ABCA1: variants seen among roughly 807,000 people sequenced by gnomAD.
ABCA1 encodes the protein ATP binding cassette subfamily A member 1.
Under a neutral mutation model 262.5 loss-of-function variants are expected in ABCA1, and 133 were observed. That is an observed-to-expected ratio of 0.51 (90% CI 0.44 to 0.59). ABCA1 has a LOEUF of 0.59. Ranked by LOEUF, ABCA1 falls within the 20% of genes least tolerant of loss-of-function variation. ABCA1 has a pLI of 0.00. For missense variants in ABCA1, 2,452 were observed against 2,777.5 expected (o/e 0.88, Z 2.63); for synonymous variants, 1,022 against 1,043.5 (o/e 0.98, Z 0.40).
intron 1 of ABCA1, among the ~76,000 whole-genome samples, chr9:104,916,492 C>G (rs1841849601): frequency 6.6e-6 from 1 of 152,190 alleles, no homozygotes; most frequent in Non-Finnish European, 1.5e-5. Context: ...GAACAGACAT[C>G]TACAGACACA....
chr9:104,923,177 T>C (rs932988592), intron 1 of ABCA1, among the ~76,000 whole-genome samples: 8 of 152,224 alleles, frequency 5.3e-5, no homozygotes, highest in African/African-American at 1.9e-4. Context: ...AATCATATTG[T>C]ATTATAACAA....
rs34450679 is a variant in ABCA1, at chr9:104,924,611, GA to G, written c.-93+3323del. Among the ~76,000 whole-genome samples the G allele has an allele frequency of 2.0e-3, 210 of 102,482 alleles. 1 individual carries two copies. Among genetic ancestry groups the G allele is most frequent in the Middle Eastern group, 5.4e-3 (1 of 186 alleles). 67.2% of individuals were successfully genotyped at this position (102,482 alleles called of 152,430 possible). On this transcript the variant is annotated intron_variant, in intron 1 of 49. Transcript: ENST00000374736. ...GGCAAAAGAGCAAGACTCCATCTCA[GA>G]AAAAAAAAAAAAAGAAAAAGTATTT... is the stretch of plus-strand genomic sequence containing the variant.
chr9:104,787,109 CAAAGA>C (rs1317172679), intron 46 of ABCA1, 133 bp from the exon 47 acceptor site: 1 of 693,538 alleles, frequency 1.4e-6, no homozygotes, highest in Non-Finnish European at 2.4e-6. Flanking sequence ...CTTGATGAAT[CAAAGA>C]ATTAGAGTAA....
In ABCA1 at chr9:104,852,986, A is replaced by C. The variant is rs143796005; in HGVS notation, c.720+5536T>G. Among the ~76,000 whole-genome samples, 6 of 152,318 alleles carry C rather than the reference A, an allele frequency of 3.9e-5. No individual in the cohort carries two copies. The East Asian group carries it at 5.8e-4, about 15-fold the overall frequency. On this transcript the variant is annotated intron_variant, in intron 7 of 49. Coordinates refer to ENST00000374736, the MANE Select transcript of ABCA1 (RefSeq NM_005502.4). ...GGGTCCTTGTCTAAGAGTCAAGAAG[A>C]AGCTAAATAAAGACCCCTCAAGACA...
chr9:104,860,857 A>G (rs548360066), intron 6 of ABCA1, among the ~76,000 whole-genome samples: 1 of 149,420 alleles, frequency 6.7e-6, no homozygotes, highest in African/African-American at 2.5e-5. Context: ...CCCAGGTTCA[A>G]ACGATTCTCC....
chr9:104,886,344 A>T (rs976724717), intron 3 of ABCA1, among the ~76,000 whole-genome samples: 1 of 152,064 alleles, frequency 6.6e-6, no homozygotes, highest in Non-Finnish European at 1.5e-5. Context: ...TTTCTTTTCT[A>T]TCCATACTCC....
intron 21 of ABCA1, 98 bp from the exon 22 acceptor site, chr9:104,819,821 C>T: frequency 3.7e-6 from 6 of 1,610,170 alleles, no homozygotes; most frequent in South Asian, 3.3e-5. Flanking sequence ...GTTTCTGTTA[C>T]CAACCGCACC....
At chr9:104,906,750 C>CAAAAAAAAAA (rs35167860) in intron 1 of ABCA1, among the ~76,000 whole-genome samples, 3 of 83,040 alleles carry the variant, frequency 3.6e-5, no homozygotes, top group African/African-American at 8.6e-5. Context: ...AAACCAAAAT[C>CAAAAAAAAAA]AAAAAAAAAA....
At chr9:104,881,571 A>C (rs1445653080) in intron 5 of ABCA1, among the ~76,000 whole-genome samples, 1 of 152,202 alleles carries the variant, frequency 6.6e-6, no homozygotes, top group Non-Finnish European at 1.5e-5. Flanking sequence ...GGTAAGAAGA[A>C]GTGGCTGAAA....
chr9:104,900,073 G>A (rs1053002743), intron 2 of ABCA1, among the ~76,000 whole-genome samples: 2 of 152,178 alleles, frequency 1.3e-5, no homozygotes, highest in African/African-American at 4.8e-5. Context: ...CACAATGGGG[G>A]TACAGGAGAG....
At chr9:104,874,113 T>C (rs1293452279) in intron 5 of ABCA1, among the ~76,000 whole-genome samples, 1 of 152,140 alleles carries the variant, frequency 6.6e-6, no homozygotes, top group African/African-American at 2.4e-5. Context: ...GAATCAAAGG[T>C]CCACCCCACT....
chr9:104,858,002 T>C (rs868451611), intron 7 of ABCA1, among the ~76,000 whole-genome samples: 2 of 152,198 alleles, frequency 1.3e-5, no homozygotes, highest in Non-Finnish European at 2.9e-5. Context: ...TATTGATTCC[T>C]AGGCTGAAAA....
intron 2 of ABCA1, 103 bp downstream of exon 2, chr9:104,903,511 A>T (rs1840835873): frequency 3.2e-6 from 4 of 1,248,556 alleles, no homozygotes; most frequent in African/African-American, 1.5e-5. Flanking sequence ...CCCTGTGTGA[A>T]AACCAACACA....
At chr9:104,821,350 T>A (rs1438762682) in intron 20 of ABCA1, 25 bp downstream of exon 20, 7 of 1,613,294 alleles carry the variant, frequency 4.3e-6, no homozygotes, top group Non-Finnish European at 5.9e-6. Flanking sequence ...AAAAGGCCTA[T>A]TCTTAACGTG....
intron 1 of ABCA1, among the ~76,000 whole-genome samples, chr9:104,926,472 A>AAC (rs1564312288): frequency 6.1e-5 from 9 of 147,354 alleles, no homozygotes; most frequent in Non-Finnish European, 1.2e-4. Flanking sequence ...CAAAAAAACA[A>AAC]AAAAAAAAAA....
intron 5 of ABCA1, 101 bp from the exon 6 acceptor site, chr9:104,861,901 T>C: frequency 9.3e-7 from 1 of 1,075,492 alleles, no homozygotes; most frequent in Non-Finnish European, 1.4e-6. Context: ...ATAATATTGA[T>C]GATCAACAGT....
chr9:104,908,658 C>T (rs747255115), intron 1 of ABCA1, among the ~76,000 whole-genome samples: 10 of 152,148 alleles, frequency 6.6e-5, no homozygotes, highest in Non-Finnish European at 1.0e-4. Context: ...GAGACACCTC[C>T]TCATAAATAA....
chr9:104,788,406 C>T lies in ABCA1; in HGVS notation c.6069+20G>A. 4 of 1,614,062 alleles carry T rather than the reference C, an allele frequency of 2.5e-6. No homozygotes were observed. Among genetic ancestry groups the T allele is most frequent in the Non-Finnish European group, 3.4e-6 (4 of 1,179,940 alleles). On this transcript the variant is annotated intron_variant, in intron 45 of 49. Transcript: ENST00000374736. Reference sequence around the variant, plus strand: ...CAGGATGCCAAAGGAGACAGGCTGGCTTTCAGGTGCCCACAGTACCTTGCC... The same window carrying T: ...CAGGATGCCAAAGGAGACAGGCTGGTTTTCAGGTGCCCACAGTACCTTGCC...
intron 2 of ABCA1, among the ~76,000 whole-genome samples, chr9:104,900,049 C>A (rs531997467): frequency 6.6e-6 from 1 of 152,294 alleles, no homozygotes; most frequent in African/African-American, 2.4e-5. Context: ...GGCTGATGGT[C>A]CCCCCTCAGT....
Sources: gnomAD v4.1 joint callset for allele counts (sites outside exome capture counted in the v4.1 genomes callset) on GRCh38, gnomAD v4.1.1 for gene constraint, MANE v1.5 for transcripts, NCBI Gene and HGNC (gene_info 2026-07-23, HGNC 2026-07-21) for gene names.